Variants in DPP6 observed in about 807,000 individuals in gnomAD.
The protein encoded by DPP6 is A-type potassium channel modulatory protein DPP6.
Under a neutral mutation model 122.6 loss-of-function variants are expected in DPP6, and 69 were observed. That is an observed-to-expected ratio of 0.56 (90% CI 0.46 to 0.69). The LOEUF is 0.69. DPP6 is among the 30% of genes least tolerant of loss of function. DPP6 has a pLI of 0.00. For synonymous variants in DPP6, 418 were observed against 433.1 expected, an observed-to-expected ratio of 0.97 and a Z score of 0.43; for missense variants, 928 against 1,116.9, an observed-to-expected ratio of 0.83 and a Z score of 2.41.
At chr7:153,981,303 C>T (rs1050010014) in intron 1 of DPP6, among the ~76,000 whole-genome samples, 1 of 152,088 alleles carries the variant, frequency 6.6e-6, no homozygotes, top group African/African-American at 2.4e-5. Flanking sequence ...TTATGTAATG[C>T]CCTTCCTTGT....
the DPP6 span, among the ~76,000 whole-genome samples, chr7:153,854,371 G>T: frequency 6.6e-6 from 1 of 151,920 alleles, no homozygotes; most frequent in Non-Finnish European, 1.5e-5. Flanking sequence ...AATCTACAAT[G>T]AACTCCAACA....
At chr7:153,962,862 C>T (rs568844458) in intron 1 of DPP6, among the ~76,000 whole-genome samples, 1 of 152,294 alleles carries the variant, frequency 6.6e-6, no homozygotes, top group East Asian at 1.9e-4. Flanking sequence ...TGACATTTCT[C>T]ATTTCCATAC....
At chr7:154,758,438 C>A (rs930094229) in intron 8 of DPP6, among the ~76,000 whole-genome samples, 1 of 148,404 alleles carries the variant, frequency 6.7e-6, no homozygotes, top group Non-Finnish European at 1.5e-5. Flanking sequence ...GTGGCTCAAT[C>A]TCGACTCACT....
chr7:154,808,192 T>A (rs1457217022), intron 16 of DPP6, among the ~76,000 whole-genome samples: 1 of 152,216 alleles, frequency 6.6e-6, no homozygotes, highest in Non-Finnish European at 1.5e-5. Context: ...GGAGAATGAA[T>A]AACTTTTATC....
At chr7:154,158,270 C>G (rs1302517028) in intron 1 of DPP6, among the ~76,000 whole-genome samples, 1 of 151,236 alleles carries the variant, frequency 6.6e-6, no homozygotes, top group East Asian at 1.9e-4. Context: ...TACCCAACCC[C>G]CATGTTCTTT....
intron 1 of DPP6, among the ~76,000 whole-genome samples, chr7:153,951,165 G>A (rs1585078901): frequency 6.6e-6 from 1 of 152,208 alleles, no homozygotes; most frequent in African/African-American, 2.4e-5. Flanking sequence ...GCCCTGGCGA[G>A]AGCTACTCTG....
At chr7:154,554,735 C>T (rs1829893605) in intron 4 of DPP6, among the ~76,000 whole-genome samples, 1 of 152,112 alleles carries the variant, frequency 6.6e-6, no homozygotes, top group African/African-American at 2.4e-5. Context: ...TGTATATACC[C>T]ATCTCTCTAG....
intron 5 of DPP6, among the ~76,000 whole-genome samples, chr7:154,575,353 G>GT (rs1426783901): frequency 2.9e-3 from 180 of 62,098 alleles, no homozygotes; most frequent in Admixed American, 7.9e-3. Flanking sequence ...ATGTGTGTGT[G>GT]GTGTGTGTGT....
intron 5 of DPP6, among the ~76,000 whole-genome samples, chr7:154,608,341 A>T (rs112956270): frequency 0.59 from 73,132 of 123,192 alleles, 21,722 homozygotes; most frequent in African/African-American, 0.62. Context: ...ATATATATAT[A>T]TTTTGAGATG....
intron 1 of DPP6, among the ~76,000 whole-genome samples, chr7:153,922,727 A>G (rs941136316): frequency 3.3e-5 from 5 of 152,226 alleles, no homozygotes; most frequent in African/African-American, 1.2e-4. Flanking sequence ...ATTTGATGAA[A>G]TGTGGTAAAA....
At chr7:154,004,207 A>T (rs1162685529) in intron 1 of DPP6, among the ~76,000 whole-genome samples, 5 of 152,178 alleles carry the variant, frequency 3.3e-5, no homozygotes, top group Non-Finnish European at 7.3e-5. Context: ...AATGGTAAAG[A>T]AGTATAATTT....
At chr7:154,694,975 A>C (rs1292768332) in intron 7 of DPP6, among the ~76,000 whole-genome samples, 1 of 152,086 alleles carries the variant, frequency 6.6e-6, no homozygotes, top group African/African-American at 2.4e-5. Flanking sequence ...ACTGTTCCCC[A>C]CCTGCTATAT....
At chr7:154,227,215 G>GACACACACACACACACACACAC (rs1554495537) in intron 1 of DPP6, among the ~76,000 whole-genome samples, 18,071 of 141,034 alleles carry the variant, frequency 0.13, 1,745 homozygotes, top group African/African-American at 0.26. Flanking sequence ...GAAAATGAGG[G>GACACACACACACACACACACAC]ACACACACAC....
intron 1 of DPP6, among the ~76,000 whole-genome samples, chr7:154,128,230 C>T (rs1038988460): frequency 2.6e-5 from 4 of 151,070 alleles, no homozygotes; most frequent in Non-Finnish European, 5.9e-5. Context: ...TGGACTATGG[C>T]TATTGGACCG....
intron 16 of DPP6, among the ~76,000 whole-genome samples, chr7:154,836,355 C>T (rs1801055175): frequency 6.6e-6 from 1 of 152,232 alleles, no homozygotes; most frequent in African/African-American, 2.4e-5. Context: ...CATGCCCAAC[C>T]CACCTGGGGA....
chr7:153,828,434 C>T, the DPP6 span, among the ~76,000 whole-genome samples: 1 of 152,092 alleles, frequency 6.6e-6, no homozygotes. Flanking sequence ...ACCTGGGACC[C>T]CTTTGTACTA....
At chr7:154,170,460 G>A (rs538569580) in intron 1 of DPP6, among the ~76,000 whole-genome samples, 25 of 152,262 alleles carry the variant, frequency 1.6e-4, no homozygotes, top group South Asian at 1.5e-3. Context: ...TTTGTTCTCC[G>A]TCCTGAAGAC....
intron 1 of DPP6, among the ~76,000 whole-genome samples, chr7:154,387,505 G>A (rs1814221109): frequency 6.6e-6 from 1 of 152,226 alleles, no homozygotes; most frequent in African/African-American, 2.4e-5. Flanking sequence ...GCAGGTGGGT[G>A]GGCCCAGGCC....
chr7:154,487,264 C>G (rs150920910), intron 3 of DPP6, among the ~76,000 whole-genome samples: 90 of 152,152 alleles, frequency 5.9e-4, no homozygotes, highest in African/African-American at 1.9e-3. Flanking sequence ...TTTTCCTACT[C>G]TGATAAGTAG....
Sources: gnomAD v4.1 joint callset for allele counts (sites outside exome capture counted in the v4.1 genomes callset) on GRCh38, gnomAD v4.1.1 for gene constraint, MANE v1.5 for transcripts, NCBI Gene and HGNC (gene_info 2026-07-23, HGNC 2026-07-21) for gene names.